CYP2J2: variants seen among roughly 807,000 people sequenced by gnomAD.
CYP2J2 encodes the protein cytochrome P450 2J2.
In CYP2J2, 41 loss-of-function variants were observed where a neutral mutation model predicts 48.8. That is an observed-to-expected ratio of 0.84 (90% CI 0.66 to 1.09). CYP2J2 has a LOEUF of 1.09. CYP2J2 is among the 50% of genes least tolerant of loss of function. The pLI is 0.00. For synonymous variants in CYP2J2, 221 were observed against 227.1 expected (o/e 0.97, Z 0.24); for missense variants, 644 against 617.3 (o/e 1.04, Z -0.46).
At chr1:59,948,451 T>C in the CYP2J2 span, among the ~76,000 whole-genome samples, 2 of 152,218 alleles carry the variant, frequency 1.3e-5, no homozygotes, top group Non-Finnish European at 2.9e-5. Flanking sequence ...TTATAAATCA[T>C]ATAACTGTAC....
At chr1:59,914,906 T>C (rs1469877208) in intron 2 of CYP2J2, among the ~76,000 whole-genome samples, 2 of 152,196 alleles carry the variant, frequency 1.3e-5, no homozygotes, top group Non-Finnish European at 2.9e-5. Flanking sequence ...TAAAACCCGA[T>C]TGTACATTTG....
chr1:59,950,605 G>A, the CYP2J2 span, among the ~76,000 whole-genome samples: 6 of 152,162 alleles, frequency 3.9e-5, no homozygotes, highest in South Asian at 2.1e-4. Context: ...ACAATGAAGC[G>A]GGTAATTTAA....
upstream of CYP2J2, among the ~76,000 whole-genome samples, chr1:59,930,781 C>G (rs1311731576): frequency 6.6e-6 from 1 of 151,492 alleles, no homozygotes; most frequent in African/African-American, 2.4e-5. Context: ...AAAAATACAA[C>G]AAATGAGAGA....
chr1:59,903,295 G>T (rs1644336543), intron 7 of CYP2J2, among the ~76,000 whole-genome samples: 1 of 152,176 alleles, frequency 6.6e-6, no homozygotes, highest in Admixed American at 6.5e-5. Flanking sequence ...GACCAAAGTG[G>T]TTAGAAAGCA....
chr1:59,940,154 A>T, the CYP2J2 span, among the ~76,000 whole-genome samples: 8 of 152,170 alleles, frequency 5.3e-5, no homozygotes, highest in African/African-American at 1.9e-4. Flanking sequence ...GTTTCTTCCC[A>T]TAGCCACCAC....
rs144838675 is a variant in CYP2J2, at chr1:59,919,148, CGAGA to C, written c.211-3052_211-3049del. Among the ~76,000 whole-genome samples, 32 of 150,456 alleles carry C rather than the reference CGAGA, an allele frequency of 2.1e-4. No individual in the cohort carries two copies. The Middle Eastern group carries it at 0.014, about 65-fold the overall frequency. On this transcript the variant is annotated intron_variant, in intron 1 of 8. Transcript: ENST00000371204. ...GTGCCTCTGTGAGTGTGTGTGACAG[CGAGA>C]GAGAGAGAGAGATCCTAAGAGGCAC...
rs374377494 is a variant in CYP2J2, at chr1:59,902,099, T to C, written c.1192-996A>G. ...TACTTAATTCAGCATCCTTTTTAAATGCTATTTGCCTTGCCAGGAATGTTC... is the reference window on the plus strand; with the variant it reads ...TACTTAATTCAGCATCCTTTTTAAACGCTATTTGCCTTGCCAGGAATGTTC... On this transcript the variant is annotated intron_variant, in intron 7 of 8. Coordinates refer to ENST00000371204, the MANE Select transcript of CYP2J2 (RefSeq NM_000775.4). Among the ~76,000 whole-genome samples, 6 of 152,314 alleles carry C rather than the reference T, an allele frequency of 3.9e-5. No homozygotes were observed. The East Asian group carries it at 5.8e-4, about 15-fold the overall frequency.
At chr1:59,912,049 T>C (rs1465098781) in intron 3 of CYP2J2, 113 bp downstream of exon 3, 1 of 1,199,994 alleles carries the variant, frequency 8.3e-7, no homozygotes, top group Non-Finnish European at 1.1e-6. Context: ...CTGTTCTATC[T>C]TCCATTCCTA....
the CYP2J2 span, among the ~76,000 whole-genome samples, chr1:59,950,013 A>T: frequency 6.6e-6 from 1 of 152,156 alleles, no homozygotes; most frequent in East Asian, 1.9e-4. Context: ...AATGGGGAAG[A>T]AGCATAGTCC....
At chr1:59,953,362 T>C in the CYP2J2 span, among the ~76,000 whole-genome samples, 1 of 152,258 alleles carries the variant, frequency 6.6e-6, no homozygotes, top group African/African-American at 2.4e-5. Context: ...ATGGTGATAA[T>C]GTATATAAAC....
At chr1:59,966,914 A>C in the CYP2J2 span, among the ~76,000 whole-genome samples, 1 of 152,046 alleles carries the variant, frequency 6.6e-6, no homozygotes, top group African/African-American at 2.4e-5. Flanking sequence ...TGGCCTTTCT[A>C]AGTATTGGTG....
At chr1:59,936,981 G>C in the CYP2J2 span, among the ~76,000 whole-genome samples, 1 of 152,194 alleles carries the variant, frequency 6.6e-6, no homozygotes, top group Admixed American at 6.5e-5. Flanking sequence ...TATTAGCTCA[G>C]GCATAGGGTA....
chr1:59,916,764 C>A (rs552617721), intron 1 of CYP2J2, among the ~76,000 whole-genome samples: 1 of 152,084 alleles, frequency 6.6e-6, no homozygotes, highest in South Asian at 2.1e-4. Context: ...AGATTTCTAA[C>A]CCCAAGCATC....
At chr1:59,964,747 T>A in the CYP2J2 span, among the ~76,000 whole-genome samples, 1 of 152,264 alleles carries the variant, frequency 6.6e-6, no homozygotes, top group African/African-American at 2.4e-5. Flanking sequence ...ACAGTTTCAT[T>A]ACAACCTTTC....
At chr1:59,969,184 C>T in the CYP2J2 span, among the ~76,000 whole-genome samples, 1 of 152,202 alleles carries the variant, frequency 6.6e-6, no homozygotes, top group African/African-American at 2.4e-5. Flanking sequence ...ACAAAACTTC[C>T]ACAGTATGAA....
upstream of CYP2J2, among the ~76,000 whole-genome samples, chr1:59,930,544 T>G (rs1038647924): frequency 1.3e-5 from 2 of 152,168 alleles, no homozygotes; most frequent in East Asian, 3.8e-4. Context: ...TTATATATCT[T>G]CTTTGGAAAA....
the CYP2J2 span, among the ~76,000 whole-genome samples, chr1:59,955,312 A>ATATC: frequency 6.8e-6 from 1 of 147,224 alleles, no homozygotes; most frequent in African/African-American, 2.5e-5. Context: ...ATATCCATAT[A>ATATC]TATCCATATA....
At chr1:59,949,209 C>T in the CYP2J2 span, among the ~76,000 whole-genome samples, 2 of 152,226 alleles carry the variant, frequency 1.3e-5, no homozygotes, top group South Asian at 2.1e-4. Context: ...CCATAGAGCA[C>T]CACATAATTT....
chr1:59,911,579 A>G (rs956907342), intron 4 of CYP2J2, 29 bp downstream of exon 4: 5 of 1,513,296 alleles, frequency 3.3e-6, no homozygotes, highest in Non-Finnish European at 4.4e-6. Flanking sequence ...AATTTACTGA[A>G]CAAAGATATG....
Sources: gnomAD v4.1 joint callset for allele counts (sites outside exome capture counted in the v4.1 genomes callset) on GRCh38, gnomAD v4.1.1 for gene constraint, MANE v1.5 for transcripts, NCBI Gene and HGNC (gene_info 2026-07-23, HGNC 2026-07-21) for gene names.